ADGRG1: variants seen among roughly 807,000 people sequenced by gnomAD.
ADGRG1 encodes 7-transmembrane protein with no EGF-like N-terminal domains-1.
A neutral mutation model predicts 73.5 loss-of-function variants in ADGRG1; 53 were observed. The observed-to-expected ratio is 0.72, with a 90% CI of 0.58 to 0.91. The LOEUF (loss-of-function observed/expected upper bound fraction) is 0.91, where lower values mean the gene tolerates loss of function less well. Ranked by LOEUF, ADGRG1 falls within the 40% of genes least tolerant of loss-of-function variation. The pLI is 0.00. For missense variants in ADGRG1, 795 were observed against 871.8 expected, an observed-to-expected ratio of 0.91 and a Z score of 1.11; for synonymous variants, 394 against 374.4, an observed-to-expected ratio of 1.05 and a Z score of -0.60.
At chr16:57,626,990 T>C (rs1039599820), upstream of ADGRG1, 2 of 985,372 alleles carry the variant, frequency 2.0e-6, no homozygotes, top group Non-Finnish European at 2.4e-6. Flanking sequence ...GGGTATGACA[T>C]GGGCCCAGTC....
At position 57,649,328 on chromosome 16, in the gene ADGRG1, C is replaced by T. The variant is rs150529612; in HGVS notation, c.-35-925C>T. Among the ~76,000 whole-genome samples, 1,209 of 152,302 alleles carry T rather than the reference C, an allele frequency of 7.9e-3. 16 individuals carry two copies. The highest frequency in any genetic ancestry group is 0.026 in the African/African-American group (1,063 of 41,560). On this transcript the variant is annotated intron_variant, in intron 1 of 13. Coordinates refer to ENST00000562631, the MANE Select transcript of ADGRG1 (RefSeq NM_201525.4). ...GCAACCTCTGTACAGCCAGGGCCTG[C>T]CCACAGAGATGGATCAGGTGCTCCC...
upstream of ADGRG1, among the ~76,000 whole-genome samples, chr16:57,620,422 G>A (rs917750172): frequency 1.8e-4 from 27 of 152,194 alleles, no homozygotes; most frequent in African/African-American, 6.3e-4. Flanking sequence ...GGTGTCCAAC[G>A]GACACTGCAG....
At chr16:57,652,109 C>T in intron 3 of ADGRG1, 3 of 1,043,986 alleles carry the variant, frequency 2.9e-6, no homozygotes, top group South Asian at 3.4e-5. Flanking sequence ...GGATTTGAAC[C>T]CAGCAGCTGA....
At chr16:57,643,910 G>A in intron 1 of ADGRG1, 1 of 977,600 alleles carries the variant, frequency 1.0e-6, no homozygotes, top group Non-Finnish European at 1.2e-6. Context: ...GGACTGGGCT[G>A]GGGGTGGGGC....
chr16:57,655,475 G>A lies in ADGRG1; in HGVS notation c.845G>A (p.Gly282Glu), dbSNP rs1175860804. The part of the protein sequence containing the change: ...TLFQRTKGRS[G>E]EAEKRLLLVD... ...TTCCAGAGGACGAAAGGCCGGAGCG[G>A]GGAGGCTGAGAAGAGACTCCTCCTG... Residue 282 changes from glycine to glutamate, a missense_variant, in exon 6 of 14, where the codon GGG (glycine) becomes GAG (glutamate). By Grantham distance (98) the Gly-to-Glu change is moderately conservative. Coordinates refer to ENST00000562631, the MANE Select transcript of ADGRG1 (RefSeq NM_201525.4). The A allele has an allele frequency of 1.2e-6, 2 of 1,613,730 alleles. No homozygotes were observed. The highest frequency in any genetic ancestry group is 1.7e-6 in the Non-Finnish European group (2 of 1,179,990).
chr16:57,628,488 C>T, upstream of ADGRG1: 2 of 984,714 alleles, frequency 2.0e-6, no homozygotes, highest in South Asian at 4.7e-5. Context: ...TCAGCCCTGC[C>T]CCCTCCTGGT....
rs533210525 is a variant in ADGRG1 at position 57,630,032 on chromosome 16, T to C, written c.-36+1230T>C. The C allele has an allele frequency of 4.3e-5, 42 of 983,594 alleles. No homozygotes were observed. The African/African-American group carries it at 7.2e-4, about 17-fold the overall frequency. 60.9% of individuals were successfully genotyped at this position (983,594 alleles called of 1,614,324 possible). A position where few individuals can be genotyped will look rare whatever the true frequency, so the allele number is the denominator to read the frequency against. ...GTGTAGGAATAGCCTTTGTTGCTCC[T>C]TCAGTGGACCAAGAAAGTTATTTAT... On this transcript the variant is annotated intron_variant, in intron 1 of 13. Coordinates refer to ENST00000562631, the MANE Select transcript of ADGRG1 (RefSeq NM_201525.4).
upstream of ADGRG1, chr16:57,626,478 TG>T: frequency 4.5e-6 from 2 of 446,640 alleles, no homozygotes; most frequent in Non-Finnish European, 2.9e-6. Flanking sequence ...GACTCAGAGC[TG>T]GGGGCCTGCT....
intron 1 of ADGRG1, chr16:57,648,572 GCTC>G: frequency 1.0e-6 from 1 of 983,906 alleles, no homozygotes; most frequent in Non-Finnish European, 1.2e-6. Flanking sequence ...GAGACATTGA[GCTC>G]CTGCCTGGGA....
intron 1 of ADGRG1, chr16:57,636,143 C>T (rs2039311306): frequency 1.0e-6 from 1 of 985,390 alleles, no homozygotes; most frequent in Non-Finnish European, 1.2e-6. Flanking sequence ...GAACGGGACC[C>T]ACTTTTCTTT....
chr16:57,650,197 C>T (rs1230541885), intron 1 of ADGRG1, 56 bp from the exon 2 acceptor site: 9 of 1,562,980 alleles, frequency 5.8e-6, no homozygotes, highest in African/African-American at 1.4e-5. Flanking sequence ...TTCTGCAGGG[C>T]CAGCCCAACC....
At chr16:57,622,874 C>T, upstream of ADGRG1, 1 of 985,460 alleles carries the variant, frequency 1.0e-6, no homozygotes, top group Non-Finnish European at 1.2e-6. Context: ...GAGGCCCAGC[C>T]AGCCTGAACC....
chr16:57,631,032 C>T, intron 1 of ADGRG1: 3 of 985,782 alleles, frequency 3.0e-6, no homozygotes, highest in East Asian at 1.1e-4. Context: ...GGGGCCCAGG[C>T]TGCAAACCCA....
In ADGRG1 at chr16:57,664,410, G is replaced by C. The variant is rs550388414; in HGVS notation, c.*828G>C. ...TGGGCTAGGTCCCTCTGTCCATCTG[G>C]GCCTTTGTATGAGCTGCATTGCCCT... is the stretch of plus-strand genomic sequence containing the variant. On this transcript the variant is annotated 3_prime_UTR_variant, in exon 14 of 14. Transcript: ENST00000562631. The C allele has an allele frequency of 1.3e-5, 2 of 152,430 alleles. No homozygotes were observed. Among genetic ancestry groups the C allele is most frequent in the Admixed American group, 1.3e-4 (2 of 15,300 alleles). 9.4% of individuals were successfully genotyped at this position (152,430 alleles called of 1,614,324 possible). A position where few individuals can be genotyped will look rare whatever the true frequency, so the allele number is the denominator to read the frequency against.
chr16:57,657,032 T>C (rs566539986), intron 9 of ADGRG1, among the ~76,000 whole-genome samples: 14 of 152,330 alleles, frequency 9.2e-5, no homozygotes, highest in Non-Finnish European at 1.9e-4. Context: ...CACCTGGGGC[T>C]TGAACACCCC....
intron 1 of ADGRG1, chr16:57,643,638 C>T: frequency 1.0e-6 from 1 of 984,706 alleles, no homozygotes; most frequent in South Asian, 4.7e-5. Context: ...GGCCTGGGCA[C>T]CTGCCAGCCT....
upstream of ADGRG1, among the ~76,000 whole-genome samples, chr16:57,625,123 C>A (rs553418124): frequency 6.6e-4 from 101 of 152,162 alleles, no homozygotes; most frequent in African/African-American, 2.1e-3. Context: ...GGGTTTCCTG[C>A]ACCTTCAGCT....
chr16:57,628,782 G>A lies in ADGRG1; in HGVS notation c.-56G>A. The stretch of plus-strand genomic sequence containing the variant: ...TGGTCCAGCCGCCTGGCCCTGCGTG[G>A]GACCCTCCACCTGGCAGCAGGTACC... On this transcript the variant is annotated 5_prime_UTR_variant, in exon 1 of 14. Transcript: ENST00000562631. The A allele has an allele frequency of 1.0e-6, 1 of 985,670 alleles. No individual in the cohort carries two copies. The allele number at this position is 985,670 out of a possible 1,614,324, so 61.1% of individuals were successfully genotyped here.
chr16:57,623,042 A>G (rs2035165746), upstream of ADGRG1: 1 of 985,284 alleles, frequency 1.0e-6, no homozygotes, highest in African/African-American at 1.7e-5. Flanking sequence ...TGGAGGGGCA[A>G]AGCAGGACTT....
Sources: allele counts gnomAD v4.1 joint callset (sites outside exome capture counted in the v4.1 genomes callset), GRCh38; gene constraint gnomAD v4.1.1; transcripts MANE v1.5; gene names NCBI Gene and HGNC (gene_info 2026-07-23, HGNC 2026-07-21).